Variants in NRXN3 observed in about 807,000 individuals in gnomAD.
NRXN3 encodes the protein neurexin 3.
Under a neutral mutation model 137.6 loss-of-function variants are expected in NRXN3, and 32 were observed. The observed-to-expected ratio is 0.23, with a 90% confidence interval of 0.18 to 0.31. NRXN3 has a LOEUF of 0.31. Among genes scored for constraint, NRXN3 ranks in the 10% least tolerant of loss-of-function variants. The pLI, the probability that NRXN3 is intolerant of heterozygous loss-of-function variation, is 1.00. For synonymous variants in NRXN3, 798 were observed against 784.5 expected (o/e 1.02, Z -0.29); for missense variants, 1,574 against 2,062.5 (o/e 0.76, Z 4.59).
intron 10 of NRXN3, among the ~76,000 whole-genome samples, chr14:78,886,412 A>G (rs528626206): frequency 1.3e-5 from 2 of 152,200 alleles, no homozygotes; most frequent in African/African-American, 4.8e-5. Flanking sequence ...ATGATATTCA[A>G]TAAATATCAT....
intron 10 of NRXN3, among the ~76,000 whole-genome samples, chr14:78,937,496 A>G (rs894701470): frequency 1.3e-5 from 2 of 152,106 alleles, no homozygotes; most frequent in Non-Finnish European, 2.9e-5. Context: ...TGAGTAAATT[A>G]CCCTTCTTAA....
intron 20 of NRXN3, among the ~76,000 whole-genome samples, chr14:79,841,985 A>G (rs957458835): frequency 1.1e-4 from 17 of 152,242 alleles, no homozygotes; most frequent in African/African-American, 3.6e-4. Flanking sequence ...ACATGTATCC[A>G]CTGCCTTGTG....
chr14:78,623,895 C>T (rs949920210), intron 4 of NRXN3, among the ~76,000 whole-genome samples: 1 of 152,194 alleles, frequency 6.6e-6, no homozygotes, highest in African/African-American at 2.4e-5. Flanking sequence ...TTAGAGTAGT[C>T]ATTCTTTCAT....
At chr14:79,635,908 C>T (rs191878241) in intron 16 of NRXN3, among the ~76,000 whole-genome samples, 193 of 152,120 alleles carry the variant, frequency 1.3e-3, no homozygotes, top group African/African-American at 4.5e-3. Flanking sequence ...CTTATGGAAC[C>T]ATGAGATCTC....
intron 10 of NRXN3, among the ~76,000 whole-genome samples, chr14:78,859,986 C>G (rs992064027): frequency 6.6e-6 from 1 of 152,134 alleles, no homozygotes; most frequent in East Asian, 1.9e-4. Flanking sequence ...TAATAAGTTT[C>G]TAAAACTCAA....
chr14:78,227,015 C>A (rs963088653), intron 1 of NRXN3, among the ~76,000 whole-genome samples: 1 of 152,166 alleles, frequency 6.6e-6, no homozygotes, highest in Non-Finnish European at 1.5e-5. Flanking sequence ...ATGCCTGTTG[C>A]AACTGATGGG....
intron 4 of NRXN3, among the ~76,000 whole-genome samples, chr14:78,366,864 C>T (rs1328132922): frequency 2.0e-5 from 3 of 152,166 alleles, no homozygotes; most frequent in Non-Finnish European, 4.4e-5. Flanking sequence ...CACAGCCAAG[C>T]CATATCATTG....
chr14:78,863,073 T>A (rs1415995678), intron 10 of NRXN3, among the ~76,000 whole-genome samples: 1 of 152,168 alleles, frequency 6.6e-6, no homozygotes, highest in African/African-American at 2.4e-5. Context: ...GCTAAACTCC[T>A]GCCCAAGATG....
chr14:78,613,279 C>A (rs1434967667), intron 4 of NRXN3, among the ~76,000 whole-genome samples: 1 of 152,094 alleles, frequency 6.6e-6, no homozygotes, highest in Admixed American at 6.5e-5. Flanking sequence ...ATATTTTATT[C>A]TTAAAAAGTA....
intron 4 of NRXN3, among the ~76,000 whole-genome samples, chr14:78,334,390 C>T (rs1469954851): frequency 6.6e-6 from 1 of 152,114 alleles, no homozygotes; most frequent in Non-Finnish European, 1.5e-5. Context: ...GGATTCAGAT[C>T]AAGCTTCTAG....
intron 19 of NRXN3, among the ~76,000 whole-genome samples, chr14:79,726,515 A>G (rs774840539): frequency 1.3e-5 from 2 of 152,278 alleles, no homozygotes; most frequent in South Asian, 2.1e-4. Flanking sequence ...TACAAAGCAC[A>G]TAGCGGTGCT....
intron 15 of NRXN3, among the ~76,000 whole-genome samples, chr14:78,989,514 G>A (rs2099514223): frequency 6.6e-6 from 1 of 152,148 alleles, no homozygotes; most frequent in Admixed American, 6.5e-5. Context: ...GTCATGTGAA[G>A]GATACGATGT....
intron 4 of NRXN3, among the ~76,000 whole-genome samples, chr14:78,608,147 A>T (rs911195301): frequency 3.3e-5 from 5 of 152,176 alleles, no homozygotes; most frequent in Non-Finnish European, 7.3e-5. Context: ...CTTGGCGGAG[A>T]TGGTGGTAGT....
chr14:78,787,394 T>C (rs1029223083), intron 8 of NRXN3, among the ~76,000 whole-genome samples: 1 of 152,234 alleles, frequency 6.6e-6, no homozygotes, highest in Admixed American at 6.6e-5. Flanking sequence ...AACCACTAGA[T>C]TAGATAAGAC....
intron 4 of NRXN3, among the ~76,000 whole-genome samples, chr14:78,445,004 G>A (rs2094378625): frequency 6.7e-6 from 1 of 149,002 alleles, no homozygotes; most frequent in African/African-American, 2.4e-5. Flanking sequence ...AAGGCAGGTT[G>A]TAAGTTTAAG....
At chr14:78,691,333 G>A (rs1450034859) in intron 6 of NRXN3, among the ~76,000 whole-genome samples, 1 of 152,148 alleles carries the variant, frequency 6.6e-6, no homozygotes, top group Non-Finnish European at 1.5e-5. Flanking sequence ...TATATCATCG[G>A]TGGTTGAATA....
chr14:79,344,864 C>T lies in NRXN3; in HGVS notation c.3263-122357C>T, dbSNP rs139457325. On this transcript the variant is annotated intron_variant, in intron 15 of 20. Coordinates refer to ENST00000335750, the MANE Select transcript of NRXN3 (RefSeq NM_001330195.2). Reference sequence around the variant, plus strand: ...AACTCTTACAGAATATGTAAGTCACCTAAGTTCCAGAATTCAATCTGTGCT... The same window carrying T: ...AACTCTTACAGAATATGTAAGTCACTTAAGTTCCAGAATTCAATCTGTGCT... Among the ~76,000 whole-genome samples, 114 of 152,248 alleles carry T rather than the reference C, an allele frequency of 7.5e-4. 1 individual carries two copies. The highest frequency in any genetic ancestry group is 5.1e-3 in the Admixed American group (78 of 15,298).
intron 20 of NRXN3, among the ~76,000 whole-genome samples, chr14:79,857,309 C>A (rs1455799750): frequency 6.6e-6 from 1 of 152,136 alleles, no homozygotes; most frequent in African/African-American, 2.4e-5. Context: ...GCAAGCTCTG[C>A]CTCCCAGGTT....
At chr14:78,342,099 A>G (rs1279653307) in intron 4 of NRXN3, among the ~76,000 whole-genome samples, 1 of 152,228 alleles carries the variant, frequency 6.6e-6, no homozygotes, top group Non-Finnish European at 1.5e-5. Context: ...GGATTTCCTG[A>G]AATGTGGGAC....
Sources: allele counts gnomAD v4.1 joint callset (sites outside exome capture counted in the v4.1 genomes callset), GRCh38; gene constraint gnomAD v4.1.1; transcripts MANE v1.5; gene names NCBI Gene and HGNC (gene_info 2026-07-23, HGNC 2026-07-21).